Variants in SRD5A2 observed in about 807,000 individuals in gnomAD.
The protein encoded by SRD5A2 is steroid 5 alpha-reductase 2.
SRD5A2 carries 30 observed loss-of-function variants against 27.4 expected under a neutral mutation model. That is an observed-to-expected ratio of 1.10 (90% CI 0.82 to 1.49). SRD5A2 has a LOEUF of 1.49. Among genes scored for constraint, SRD5A2 ranks in the 40% most tolerant of loss-of-function variants. The probability of loss-of-function intolerance (pLI) is 0.00; values close to 1 mark genes in which losing one functional copy is unlikely to be tolerated. For missense variants in SRD5A2, 348 were observed against 323.4 expected, an observed-to-expected ratio of 1.08 and a Z score of -0.58; for synonymous variants, 141 against 133.6, an observed-to-expected ratio of 1.06 and a Z score of -0.38.
At chr2:31,612,261 A>T in the SRD5A2 span, among the ~76,000 whole-genome samples, 1 of 151,922 alleles carries the variant, frequency 6.6e-6, no homozygotes, top group South Asian at 2.1e-4. Flanking sequence ...AGCCTGGGTG[A>T]CAGAGCAAGA....
chr2:31,538,924 A>G (rs566538604), intron 1 of SRD5A2, among the ~76,000 whole-genome samples: 2 of 152,366 alleles, frequency 1.3e-5, no homozygotes, highest in South Asian at 4.1e-4. Flanking sequence ...TGCCTTGAAC[A>G]GTGCCTGGGA....
chr2:31,587,930 A>G, the SRD5A2 span, among the ~76,000 whole-genome samples: 14 of 152,298 alleles, frequency 9.2e-5, no homozygotes, highest in African/African-American at 3.4e-4. Flanking sequence ...AAATTTTAAA[A>G]AGAATCAAAC....
the SRD5A2 span, among the ~76,000 whole-genome samples, chr2:31,595,130 C>T: frequency 6.6e-6 from 1 of 151,986 alleles, no homozygotes; most frequent in Admixed American, 6.6e-5. Flanking sequence ...AATAGACAAC[C>T]TAAGCTCACA....
intron 1 of SRD5A2, among the ~76,000 whole-genome samples, chr2:31,540,196 A>G (rs1666102345): frequency 6.6e-6 from 1 of 152,170 alleles, no homozygotes; most frequent in Non-Finnish European, 1.5e-5. Flanking sequence ...CTTGTATCAA[A>G]TCTAAGGATA....
the SRD5A2 span, among the ~76,000 whole-genome samples, chr2:31,654,170 G>A: frequency 6.6e-6 from 1 of 151,892 alleles, no homozygotes; most frequent in Non-Finnish European, 1.5e-5. Context: ...CATCAGAAAT[G>A]GAAAAGTTAT....
At chr2:31,604,300 G>A in the SRD5A2 span, among the ~76,000 whole-genome samples, 3 of 151,716 alleles carry the variant, frequency 2.0e-5, no homozygotes, top group African/African-American at 7.2e-5. Flanking sequence ...ATGGACAAGA[G>A]AAAGAAATAC....
the SRD5A2 span, among the ~76,000 whole-genome samples, chr2:31,590,728 A>T: frequency 6.6e-6 from 1 of 152,174 alleles, no homozygotes; most frequent in Non-Finnish European, 1.5e-5. Flanking sequence ...GTACCAAAAC[A>T]TACTTATAGA....
At chr2:31,564,959 C>G (rs1666700017) in intron 1 of SRD5A2, among the ~76,000 whole-genome samples, 1 of 151,760 alleles carries the variant, frequency 6.6e-6, no homozygotes, top group African/African-American at 2.4e-5. Flanking sequence ...TTTTTATTAT[C>G]TTATTTAAAA....
chr2:31,586,793 C>G, the SRD5A2 span, among the ~76,000 whole-genome samples: 3 of 152,118 alleles, frequency 2.0e-5, no homozygotes, highest in African/African-American at 7.2e-5. Flanking sequence ...AAAACACAGA[C>G]AGTGAAGCCT....
chr2:31,534,802 G>C (rs1418841433), intron 1 of SRD5A2, among the ~76,000 whole-genome samples: 1 of 152,146 alleles, frequency 6.6e-6, no homozygotes, highest in Non-Finnish European at 1.5e-5. Context: ...GTTTGTCTTA[G>C]ATTTCCTTCT....
At chr2:31,573,409 G>A (rs1390167785) in intron 1 of SRD5A2, among the ~76,000 whole-genome samples, 1 of 152,134 alleles carries the variant, frequency 6.6e-6, no homozygotes, top group Non-Finnish European at 1.5e-5. Flanking sequence ...AAGGCTCCTG[G>A]GTTGAGCACA....
chr2:31,523,041 C>T lies in SRD5A2; in HGVS notation c.*3155G>A, dbSNP rs1018452460. 8 of 217,436 alleles carry T rather than the reference C, an allele frequency of 3.7e-5. No individual in the cohort carries two copies. The highest frequency in any genetic ancestry group is 5.5e-5 in the Non-Finnish European group (6 of 108,134). The allele number at this position is 217,436 out of a possible 1,614,324, so 13.5% of individuals were successfully genotyped here. A position where few individuals can be genotyped will look rare whatever the true frequency, so the allele number is the denominator to read the frequency against. ...AGCCGCCTAAATAGCTGTTTAATTGCGTATTTCTCATTAGAGCTCCTTTTT... is the reference window on the plus strand; with the variant it reads ...AGCCGCCTAAATAGCTGTTTAATTGTGTATTTCTCATTAGAGCTCCTTTTT... On this transcript the variant is annotated 3_prime_UTR_variant, in exon 5 of 5. Transcript: ENST00000622030.
chr2:31,562,238 A>T (rs926194865), intron 1 of SRD5A2, among the ~76,000 whole-genome samples: 1 of 152,014 alleles, frequency 6.6e-6, no homozygotes, highest in African/African-American at 2.4e-5. Context: ...TTTTTAAAAA[A>T]TTTTTATGTT....
chr2:31,631,476 G>A, the SRD5A2 span, among the ~76,000 whole-genome samples: 2 of 151,792 alleles, frequency 1.3e-5, no homozygotes, highest in Admixed American at 1.3e-4. Flanking sequence ...TTTTTCAGAT[G>A]GGAAACGTTC....
chr2:31,604,460 C>T, the SRD5A2 span, among the ~76,000 whole-genome samples: 1 of 151,712 alleles, frequency 6.6e-6, no homozygotes. Context: ...AGTTAAGTTG[C>T]AGAATACAAA....
At chr2:31,544,066 A>AT in intron 1 of SRD5A2, among the ~76,000 whole-genome samples, 1 of 152,054 alleles carries the variant, frequency 6.6e-6, no homozygotes. Context: ...TGGACTTTAA[A>AT]TTTTTTTAAA....
At chr2:31,659,539 C>T in the SRD5A2 span, among the ~76,000 whole-genome samples, 1 of 152,144 alleles carries the variant, frequency 6.6e-6, no homozygotes, top group Non-Finnish European at 1.5e-5. Context: ...ACACCAACAA[C>T]ATCCAAGCTG....
chr2:31,539,366 G>A (rs1226574244), intron 1 of SRD5A2, among the ~76,000 whole-genome samples: 1 of 152,158 alleles, frequency 6.6e-6, no homozygotes, highest in South Asian at 2.1e-4. Context: ...GGAAAAACCA[G>A]AAAGACAAAA....
intron 1 of SRD5A2, among the ~76,000 whole-genome samples, chr2:31,556,268 T>A (rs1666493246): frequency 6.6e-6 from 1 of 152,254 alleles, no homozygotes; most frequent in Non-Finnish European, 1.5e-5. Flanking sequence ...TGAAGTCCAC[T>A]AAACACAGAA....
Sources: allele counts gnomAD v4.1 joint callset (sites outside exome capture counted in the v4.1 genomes callset), GRCh38; gene constraint gnomAD v4.1.1; transcripts MANE v1.5; gene names NCBI Gene and HGNC (gene_info 2026-07-23, HGNC 2026-07-21).